RIMBP2: variants seen among roughly 807,000 people sequenced by gnomAD.
RIMBP2 encodes the protein RIMS-binding protein 2.
Under a neutral mutation model 118.6 loss-of-function variants are expected in RIMBP2, and 48 were observed. That is an observed-to-expected ratio of 0.40 (90% CI 0.32 to 0.51). RIMBP2 has a LOEUF of 0.51. Among genes scored for constraint, RIMBP2 ranks in the 20% least tolerant of loss-of-function variants. The probability of loss-of-function intolerance (pLI) is 0.41; values close to 1 mark genes in which losing one functional copy is unlikely to be tolerated. For missense variants in RIMBP2, 1,551 were observed against 1,768.3 expected (o/e 0.88, Z 2.20); for synonymous variants, 762 against 742.9 (o/e 1.03, Z -0.42).
chr12:130,708,876 T>C (rs1263981142), intron 1 of RIMBP2, among the ~76,000 whole-genome samples: 1 of 152,190 alleles, frequency 6.6e-6, no homozygotes, highest in Non-Finnish European at 1.5e-5. Context: ...CCTGCAGCGC[T>C]GTAGTCCCAA....
intron 2 of RIMBP2, among the ~76,000 whole-genome samples, chr12:130,520,005 A>G (rs180899623): frequency 8.1e-4 from 124 of 152,272 alleles, no homozygotes; most frequent in South Asian, 4.4e-3. Flanking sequence ...TGCCTCTTCC[A>G]CGTTCTGCCA....
intron 1 of RIMBP2, among the ~76,000 whole-genome samples, chr12:130,714,232 C>T (rs985669853): frequency 2.6e-5 from 4 of 152,252 alleles, no homozygotes; most frequent in Admixed American, 6.5e-5. Flanking sequence ...CTCTTCCAGG[C>T]GCCAACAGTG....
At position 130,420,834 on chromosome 12, in the gene RIMBP2, C is replaced by G. The variant is rs1593233079; in HGVS notation, c.3238+1619G>C. 1 of 152,106 alleles carries G rather than the reference C, an allele frequency of 6.6e-6. No homozygotes were observed. The highest frequency in any genetic ancestry group is 1.5e-5 in the Non-Finnish European group (1 of 68,010). 9.4% of individuals were successfully genotyped at this position (152,106 alleles called of 1,614,324 possible). ...CTTCCTGGCTCAAGTGCTGATTTGT[C>G]ACAGCACAATTTTCAGTTCTCAGTC... On this transcript the variant is annotated intron_variant, in intron 17 of 22. Transcript: ENST00000690449. This position sits in a 1 kb window ranked among gnomAD's most constrained non-coding sequence, Gnocchi z 4.3.
intron 1 of RIMBP2, among the ~76,000 whole-genome samples, chr12:130,705,037 G>A (rs1470434615): frequency 6.6e-6 from 1 of 152,160 alleles, no homozygotes; most frequent in African/African-American, 2.4e-5. Context: ...CCAGAAGCCG[G>A]GGTGGCAAGA....
At chr12:130,567,727 C>T (rs1477429891) in intron 2 of RIMBP2, among the ~76,000 whole-genome samples, 2 of 152,228 alleles carry the variant, frequency 1.3e-5, no homozygotes, top group Admixed American at 6.5e-5. Context: ...GTCTGGGTCC[C>T]CTCCACCCTG....
In RIMBP2 at chr12:130,646,041, C is replaced by CCCTCACTACCTCCCTCACCACCTG. The variant is rs1566421640; in HGVS notation, c.-351-17586_-351-17585insCAGGTGGTGAGGGAGGTAGTGAGG. Among the ~76,000 whole-genome samples, 40 of 146,680 alleles carry CCCTCACTACCTCCCTCACCACCTG rather than the reference C, an allele frequency of 2.7e-4. 1 individual carries two copies. Among genetic ancestry groups the CCCTCACTACCTCCCTCACCACCTG allele is most frequent in the African/African-American group, 6.7e-4 (27 of 40,236 alleles). ...GAAATCTGTGGTGCGGCAGCCAGTTCCCTCTCCACCTCCCTCACCACCTGC... is the reference window on the plus strand; with the variant it reads ...GAAATCTGTGGTGCGGCAGCCAGTTCCCTCACTACCTCCCTCACCACCTGCCTCTCCACCTCCCTCACCACCTGC... On this transcript the variant is annotated intron_variant, in intron 1 of 22. Transcript: ENST00000690449.
rs1187411887 is a variant in RIMBP2 at position 130,621,275 on chromosome 12, G to T, written c.-217+7047C>A. Among the ~76,000 whole-genome samples the T allele has an allele frequency of 6.6e-6, 1 of 152,154 alleles. No individual in the cohort carries two copies. The highest frequency in any genetic ancestry group is 1.5e-5 in the Non-Finnish European group (1 of 68,038). On this transcript the variant is annotated intron_variant, in intron 2 of 22. Coordinates refer to ENST00000690449, the MANE Select transcript of RIMBP2 (RefSeq NM_001393629.1). The surrounding 1 kb of genome is among the most constrained non-coding windows in gnomAD (Gnocchi z 6.6). ...AGAAAAGCAGGGGGCACGTGCCATG[G>T]TCGTACACAGCCCTGCTGGCTTTTT...
chr12:130,428,868 T>C (rs575388190), intron 14 of RIMBP2: 41 of 152,440 alleles, frequency 2.7e-4, no homozygotes, highest in Admixed American at 4.6e-4. Context: ...GAGGCCGAGG[T>C]GGGCAGATCA....
intron 2 of RIMBP2, among the ~76,000 whole-genome samples, chr12:130,561,957 C>CA (rs542700478): frequency 6.6e-6 from 1 of 151,796 alleles, no homozygotes; most frequent in Non-Finnish European, 1.5e-5. Context: ...TGTTCACTGT[C>CA]AAAAAATGTT....
chr12:130,570,319 G>A (rs992504696), intron 2 of RIMBP2, among the ~76,000 whole-genome samples: 1 of 152,120 alleles, frequency 6.6e-6, no homozygotes, highest in Admixed American at 6.5e-5. Flanking sequence ...CCAGCTAGTT[G>A]GGAGGCTGAG....
intron 14 of RIMBP2, among the ~76,000 whole-genome samples, chr12:130,433,278 C>T (rs1376567112): frequency 2.0e-5 from 3 of 152,202 alleles, no homozygotes. Flanking sequence ...AATTCCACCT[C>T]ATTCTAACAC....
chr12:130,649,529 A>C (rs1448062632), intron 1 of RIMBP2, among the ~76,000 whole-genome samples: 1 of 152,218 alleles, frequency 6.6e-6, no homozygotes, highest in Non-Finnish European at 1.5e-5. Flanking sequence ...TCCGCTGAGA[A>C]GTGGCTTCCC....
chr12:130,543,146 ACT>A (rs1472957992), intron 2 of RIMBP2, among the ~76,000 whole-genome samples: 1 of 152,138 alleles, frequency 6.6e-6, no homozygotes, highest in South Asian at 2.1e-4. Flanking sequence ...CAGAAAGATG[ACT>A]CTAACTTTCT....
At chr12:130,612,923 C>A (rs1229504966) in intron 2 of RIMBP2, among the ~76,000 whole-genome samples, 1 of 149,158 alleles carries the variant, frequency 6.7e-6, no homozygotes, top group Non-Finnish European at 1.5e-5. Context: ...AAGTCCAGGA[C>A]CTCCCGGGTA....
chr12:130,409,693 G>C (rs906604926), intron 19 of RIMBP2, among the ~76,000 whole-genome samples: 1 of 152,084 alleles, frequency 6.6e-6, no homozygotes, highest in Non-Finnish European at 1.5e-5. Context: ...ACGCCTCTGA[G>C]ATTCACCCCT....
intron 1 of RIMBP2, among the ~76,000 whole-genome samples, chr12:130,641,674 G>C (rs2062629418): frequency 6.6e-6 from 1 of 152,224 alleles, no homozygotes; most frequent in South Asian, 2.1e-4. Flanking sequence ...CTGCGCCTGT[G>C]TTGTTCCTGG....
At position 130,559,410 on chromosome 12, in the gene RIMBP2, G is replaced by A. The variant is rs551576417; in HGVS notation, c.-216-41493C>T. ...TGGATTTCGCCTATGAGTAGATCACGTGCCGTTTGTCTTTCAATGCCTGGC... is the reference window on the plus strand; with the variant it reads ...TGGATTTCGCCTATGAGTAGATCACATGCCGTTTGTCTTTCAATGCCTGGC... On this transcript the variant is annotated intron_variant, in intron 2 of 22. Coordinates refer to ENST00000690449, the MANE Select transcript of RIMBP2 (RefSeq NM_001393629.1). Among the ~76,000 whole-genome samples, 43 of 152,022 alleles carry A rather than the reference G, an allele frequency of 2.8e-4. 1 individual carries two copies. The highest frequency in any genetic ancestry group is 1.3e-3 in the South Asian group (6 of 4,800).
chr12:130,637,709 C>T (rs753056), intron 1 of RIMBP2, among the ~76,000 whole-genome samples: 107,847 of 151,886 alleles, frequency 0.71, 38,786 homozygotes, highest in Middle Eastern at 0.79. Flanking sequence ...GGTAGAGCTG[C>T]GATGTCCTGG....
At chr12:130,515,889 G>C (rs1435206040) in intron 3 of RIMBP2, among the ~76,000 whole-genome samples, 1 of 151,974 alleles carries the variant, frequency 6.6e-6, no homozygotes, top group Non-Finnish European at 1.5e-5. Flanking sequence ...GTAGAGATGG[G>C]GTTTTGCCAT....
Sources: allele counts gnomAD v4.1 joint callset (sites outside exome capture counted in the v4.1 genomes callset), GRCh38; gene constraint gnomAD v4.1.1; non-coding constraint Gnocchi (gnomAD v3.1); transcripts MANE v1.5; gene names NCBI Gene and HGNC (gene_info 2026-07-23, HGNC 2026-07-21).